The following ICA1L variants were observed in gnomAD, a reference collection of about 807,000 sequenced individuals.
ICA1L encodes the protein islet cell autoantigen 1 like, also known as islet cell autoantigen 1-like protein.
A neutral mutation model predicts 61.3 loss-of-function variants in ICA1L; 50 were observed. The observed-to-expected ratio is 0.82, with a 90% CI of 0.65 to 1.03. The LOEUF (loss-of-function observed/expected upper bound fraction) is 1.03, where lower values mean the gene tolerates loss of function less well. ICA1L is among the 50% of genes least tolerant of loss of function. The pLI is 0.00. For missense variants in ICA1L, 508 were observed against 556.7 expected, an observed-to-expected ratio of 0.91 and a Z score of 0.88; for synonymous variants, 161 against 191.3, an observed-to-expected ratio of 0.84 and a Z score of 1.31.
intron 1 of ICA1L, 31 bp downstream of exon 1, chr2:202,871,588 T>C (rs1313752788): frequency 1.3e-5 from 2 of 151,736 alleles, no homozygotes; most frequent in African/African-American, 2.4e-5. Context: ...TGAGGGGGAA[T>C]AGGGGCGGAC....
intron 1 of ICA1L, among the ~76,000 whole-genome samples, chr2:202,832,547 T>G (rs1446884731): frequency 6.6e-6 from 1 of 151,636 alleles, no homozygotes; most frequent in Non-Finnish European, 1.5e-5. Flanking sequence ...GCACAATAAA[T>G]GAACACACTG....
At chr2:202,799,031 C>T (rs2105832236) in intron 9 of ICA1L, among the ~76,000 whole-genome samples, 2 of 152,252 alleles carry the variant, frequency 1.3e-5, no homozygotes, top group African/African-American at 4.8e-5. Flanking sequence ...CATTGATGGA[C>T]ACTTAGGGTT....
chr2:202,862,291 A>C (rs867802523), intron 1 of ICA1L, among the ~76,000 whole-genome samples: 10,945 of 142,240 alleles, frequency 0.077, 836 homozygotes, highest in Non-Finnish European at 0.11. Context: ...AAAAAAAAAA[A>C]AAAAAAAAAA....
intron 1 of ICA1L, among the ~76,000 whole-genome samples, chr2:202,857,155 A>G (rs1031785313): frequency 2.6e-4 from 39 of 152,214 alleles, no homozygotes; most frequent in African/African-American, 9.2e-4. Context: ...TGGAACAAAA[A>G]AGGAGCCCAT....
intron 1 of ICA1L, among the ~76,000 whole-genome samples, chr2:202,866,448 G>A (rs945921610): frequency 5.9e-5 from 9 of 152,086 alleles, no homozygotes; most frequent in Admixed American, 3.9e-4. Context: ...TATAAATTAC[G>A]CAGTCTCAGG....
At chr2:202,840,751 C>T (rs1483741566) in intron 1 of ICA1L, 2 of 594,224 alleles carry the variant, frequency 3.4e-6, no homozygotes, top group African/African-American at 1.8e-5. Context: ...CCTTAACAGC[C>T]AACTCCCCAC....
intron 9 of ICA1L, among the ~76,000 whole-genome samples, chr2:202,809,351 CAAAA>C (rs1199749200): frequency 6.6e-6 from 1 of 151,604 alleles, no homozygotes; most frequent in African/African-American, 2.4e-5. Flanking sequence ...TCAGAGGAGA[CAAAA>C]GAAAAGAGAA....
intron 4 of ICA1L, chr2:202,820,109 GA>G (rs1337776032): frequency 1.9e-6 from 1 of 525,104 alleles, no homozygotes; most frequent in Non-Finnish European, 3.4e-6. Context: ...CGCGGTGGCT[GA>G]CGCTTGTAAT....
rs1289006483 is a variant in ICA1L at position 202,779,027 on chromosome 2, A to G, written c.*506T>C. 3 of 152,396 alleles carry G rather than the reference A, an allele frequency of 2.0e-5. No individual in the cohort carries two copies. Among genetic ancestry groups the G allele is most frequent in the Non-Finnish European group, 4.4e-5 (3 of 68,114 alleles). 9.4% of individuals were successfully genotyped at this position (152,396 alleles called of 1,614,324 possible). ...ATCTTACTCTCTCTAACCCAAAACA[A>G]AGCTGGTCTGGTTCTAATGGTGTTT... On this transcript the variant is annotated 3_prime_UTR_variant, in exon 13 of 13. Coordinates refer to ENST00000358299, the MANE Select transcript of ICA1L (RefSeq NM_001288622.3).
rs879564650 is a variant in ICA1L at position 202,779,282 on chromosome 2, TAGTTTCTAATATTTTCCACATAGA to T, written c.*227_*250del. On this transcript the variant is annotated 3_prime_UTR_variant, in exon 13 of 13. Transcript: ENST00000358299. ...CAGTATCTAAATATCGCAAACTCTGTAGTTTCTAATATTTTCCACATAGAAGTTTCTAATATTTTCCACATAGTA... is the reference window on the plus strand; with the variant it reads ...CAGTATCTAAATATCGCAAACTCTGTAGTTTCTAATATTTTCCACATAGTA... 1.0e-4 allele frequency: 38 copies of T among 370,942 alleles called. No homozygotes were observed. Among genetic ancestry groups the T allele is most frequent in the South Asian group, 2.4e-4 (2 of 8,212 alleles). The allele number at this position is 370,942 out of a possible 1,614,324, so 23.0% of individuals were successfully genotyped here. A position where few individuals can be genotyped will look rare whatever the true frequency, so the allele number is the denominator to read the frequency against.
chr2:202,814,042 C>T (rs542814285), intron 8 of ICA1L, among the ~76,000 whole-genome samples: 16 of 152,144 alleles, frequency 1.1e-4, no homozygotes, highest in Middle Eastern at 3.4e-3. Flanking sequence ...ATGTCCTTTG[C>T]CTGCTATGTT....
intron 11 of ICA1L, among the ~76,000 whole-genome samples, chr2:202,788,509 T>C (rs1457752659): frequency 5.9e-5 from 9 of 152,120 alleles, no homozygotes; most frequent in African/African-American, 2.2e-4. Flanking sequence ...CAAGTTTTGC[T>C]TGATGGAAGA....
chr2:202,794,513 T>C (rs1249086083), intron 10 of ICA1L, among the ~76,000 whole-genome samples: 1 of 152,146 alleles, frequency 6.6e-6, no homozygotes, highest in Non-Finnish European at 1.5e-5. Flanking sequence ...CGTTCACTAC[T>C]AGTTAACATT....
chr2:202,779,164 C>A lies in ICA1L; in HGVS notation c.*369G>T, dbSNP rs984545133. On this transcript the variant is annotated 3_prime_UTR_variant, in exon 13 of 13. Coordinates refer to ENST00000358299, the MANE Select transcript of ICA1L (RefSeq NM_001288622.3). Reference sequence around the variant, plus strand: ...TTGTTATCCACATATAAAATTCTCACAGCCAGCAAGGCAACTTAAAAGGGT... The same window carrying A: ...TTGTTATCCACATATAAAATTCTCAAAGCCAGCAAGGCAACTTAAAAGGGT... 6 of 167,656 alleles carry A rather than the reference C, an allele frequency of 3.6e-5. No homozygotes were observed. Among genetic ancestry groups the A allele is most frequent in the African/African-American group, 1.2e-4 (5 of 42,142 alleles). The allele number at this position is 167,656 out of a possible 1,614,324, so 10.4% of individuals were successfully genotyped here. A position where few individuals can be genotyped will look rare whatever the true frequency, so the allele number is the denominator to read the frequency against.
chr2:202,866,297 C>T (rs1687510476), intron 1 of ICA1L, among the ~76,000 whole-genome samples: 1 of 152,168 alleles, frequency 6.6e-6, no homozygotes, highest in African/African-American at 2.4e-5. Context: ...CGGCCCCCTT[C>T]CCTCTCTCAC....
rs1694561890 is a variant in ICA1L at position 202,849,675 on chromosome 2, C to G, written c.-7-20659G>C. Reference sequence around the variant, plus strand: ...CTCCCATCTCCCTAGGACAGAGCACCTGGGGGAAGGGGCAACTGTGGGCAC... The same window carrying G: ...CTCCCATCTCCCTAGGACAGAGCACGTGGGGGAAGGGGCAACTGTGGGCAC... On this transcript the variant is annotated intron_variant, in intron 1 of 12. Transcript: ENST00000358299. The surrounding 1 kb of genome is among the most constrained non-coding windows in gnomAD (Gnocchi z 4.5). 6.6e-6 allele frequency among the ~76,000 whole-genome samples: 1 copy of G among 152,204 alleles called. No homozygotes were observed. Among genetic ancestry groups the G allele is most frequent in the South Asian group, 2.1e-4 (1 of 4,832 alleles).
intron 1 of ICA1L, among the ~76,000 whole-genome samples, chr2:202,854,614 T>C (rs1202205211): frequency 6.6e-6 from 1 of 152,216 alleles, no homozygotes; most frequent in Non-Finnish European, 1.5e-5. Flanking sequence ...ACATAGCACA[T>C]ATTCTAAAAT....
intron 9 of ICA1L, among the ~76,000 whole-genome samples, chr2:202,801,843 T>A (rs1314462038): frequency 6.6e-6 from 1 of 152,162 alleles, no homozygotes; most frequent in Non-Finnish European, 1.5e-5. Flanking sequence ...AGGGTTAAAG[T>A]GGTCACCAGG....
intron 12 of ICA1L, among the ~76,000 whole-genome samples, chr2:202,782,575 A>AT (rs1260952677): frequency 6.6e-6 from 1 of 151,618 alleles, no homozygotes; most frequent in African/African-American, 2.4e-5. Context: ...CGCTCAGCTA[A>AT]TTTTTGTATT....
Sources: gnomAD v4.1 joint callset for allele counts (sites outside exome capture counted in the v4.1 genomes callset) on GRCh38, gnomAD v4.1.1 for gene constraint, Gnocchi (gnomAD v3.1) non-coding constraint, MANE v1.5 for transcripts, NCBI Gene and HGNC (gene_info 2026-07-23, HGNC 2026-07-21) for gene names.